Variants in WASF3 observed in about 807,000 individuals in gnomAD.
The protein encoded by WASF3 is WASP family member 3.
A neutral mutation model predicts 46.6 loss-of-function variants in WASF3; 11 were observed. The observed-to-expected ratio is 0.24, with a 90% CI of 0.15 to 0.39. The LOEUF (loss-of-function observed/expected upper bound fraction) is 0.39. WASF3 is among the 10% of genes least tolerant of loss of function. WASF3 has a pLI of 1.00. For missense variants in WASF3, 576 were observed against 669.8 expected (o/e 0.86, Z 1.55); for synonymous variants, 242 against 259.7 (o/e 0.93, Z 0.65).
At chr13:26,540,340 T>C in the WASF3 span, among the ~76,000 whole-genome samples, 3 of 152,178 alleles carry the variant, frequency 2.0e-5, no homozygotes, top group Admixed American at 6.5e-5. Context: ...GAACAGTCCT[T>C]GGTTTCTGGA....
At chr13:26,662,880 CAT>C (rs535332186) in intron 3 of WASF3, among the ~76,000 whole-genome samples, 3,021 of 152,000 alleles carry the variant, frequency 0.02, 68 homozygotes, top group South Asian at 0.096. Context: ...TACACATACA[CAT>C]ACACATACAC....
Position 26,671,786 on chromosome 13 carries a change from T to C in WASF3, c.423-86T>C, listed in dbSNP as rs1027513476. ...GCCCCATGTAGATGTTATAATTTCA[T>C]GAGTTCAAATCAAGTTAACATTAAC... On this transcript the variant is annotated intron_variant, in intron 5 of 9. Transcript: ENST00000335327. 3.6e-5 allele frequency: 31 copies of C among 861,362 alleles called. 2 individuals carry two copies. The highest frequency in any genetic ancestry group is 2.9e-4 in the South Asian group (16 of 55,378). The allele number at this position is 861,362 out of a possible 1,614,324, so 53.4% of individuals were successfully genotyped here. A position where few individuals can be genotyped will look rare whatever the true frequency, so the allele number is the denominator to read the frequency against.
Position 26,676,724 on chromosome 13 carries a change from G to C in WASF3, c.716G>C (p.Arg239Thr). The change falls in exon 7 of 10, where the codon AGG (arginine) becomes ACG (threonine). Residue 239 changes from arginine (R) to threonine (T), a missense_variant and splice_region_variant. Physicochemically the swap from Arg to Thr is moderately conservative, Grantham distance 71. Coordinates refer to ENST00000335327, the MANE Select transcript of WASF3 (RefSeq NM_006646.6). ...SSEGSLSPDT[R>T]SHASDVTDYS... ...GAGGGATCCCTGTCCCCAGATACTA[G>C]GTGTGTGTGTGTCACTGCTCCCTCA... is the stretch of plus-strand genomic sequence containing the variant. 1 of 1,612,042 alleles carries C rather than the reference G, an allele frequency of 6.2e-7. No individual in the cohort carries two copies. Among genetic ancestry groups the C allele is most frequent in the African/African-American group, 1.3e-5 (1 of 74,954 alleles).
In WASF3 at chr13:26,682,810, C is replaced by T. The variant is rs1460512751; in HGVS notation, c.1187C>T (p.Pro396Leu). The T allele has an allele frequency of 4.3e-6, 7 of 1,610,452 alleles. No individual in the cohort carries two copies. The highest frequency in any genetic ancestry group is 5.1e-6 in the Non-Finnish European group (6 of 1,179,730). Residue 396 changes from proline to leucine, a missense_variant, in exon 9 of 10, where the codon CCA becomes CTA. By Grantham distance (98) the Pro-to-Leu change is moderately conservative (BLOSUM62 -3). Around this residue, in one of 3 missense-constraint regions of WASF3, gnomAD observed 295 missense variants for 291.5 expected, o/e 1.01. Transcript: ENST00000335327. This position sits in a 1 kb window ranked among gnomAD's most constrained non-coding sequence, Gnocchi z 4.4. ...ACCGGGCTCCTGGTCACAGCCCCGC[C>T]ACCCCCGGGCCCACCACCTCCCCCG... is the stretch of plus-strand genomic sequence containing the variant. ...PSTGLLVTAP[P>L]PPGPPPPPPG...
the WASF3 span, among the ~76,000 whole-genome samples, chr13:26,549,923 A>G: frequency 6.6e-6 from 1 of 152,186 alleles, no homozygotes; most frequent in Non-Finnish European, 1.5e-5. Flanking sequence ...TGGCTTATAT[A>G]ACTCCACCTC....
At chr13:26,582,353 C>T (rs991418978) in intron 1 of WASF3, among the ~76,000 whole-genome samples, 1 of 151,916 alleles carries the variant, frequency 6.6e-6, no homozygotes, top group Non-Finnish European at 1.5e-5. Context: ...CATTTCTTAA[C>T]TTCTGTGATC....
intron 2 of WASF3, chr13:26,626,065 G>C (rs1881454761): frequency 5.3e-5 from 8 of 152,162 alleles, no homozygotes; most frequent in Admixed American, 5.2e-4. Context: ...GTTAAAGCAT[G>C]GTAAAGACTT....
At chr13:26,599,703 C>T (rs1880590190) in intron 1 of WASF3, among the ~76,000 whole-genome samples, 1 of 152,224 alleles carries the variant, frequency 6.6e-6, no homozygotes, top group African/African-American at 2.4e-5. Context: ...CACTTTGCCA[C>T]AGATGAAAAC....
At chr13:26,666,929 G>A (rs1270189285) in intron 4 of WASF3, among the ~76,000 whole-genome samples, 1 of 145,934 alleles carries the variant, frequency 6.9e-6, no homozygotes, top group Non-Finnish European at 1.5e-5. Flanking sequence ...TGCTGTACAA[G>A]CACAAGAAAG....
At chr13:26,622,737 T>C (rs1246286676) in intron 2 of WASF3, 3 of 151,852 alleles carry the variant, frequency 2.0e-5, no homozygotes, top group African/African-American at 7.3e-5. Flanking sequence ...ATCGCACCAG[T>C]GCACTGCAGC....
At chr13:26,662,392 G>A (rs1882655985) in intron 3 of WASF3, among the ~76,000 whole-genome samples, 1 of 152,184 alleles carries the variant, frequency 6.6e-6, no homozygotes, top group South Asian at 2.1e-4. Flanking sequence ...AGAAAGACAT[G>A]GAATCCACCT....
intron 4 of WASF3, among the ~76,000 whole-genome samples, chr13:26,666,658 G>C (rs563469289): frequency 1.3e-4 from 20 of 152,204 alleles, no homozygotes; most frequent in Non-Finnish European, 2.5e-4. Flanking sequence ...CCAGCACTTC[G>C]GGAGGCCGAG....
At chr13:26,671,799 A>G in intron 5 of WASF3, 73 bp from the exon 6 acceptor site, 1 of 1,010,788 alleles carries the variant, frequency 9.9e-7, no homozygotes, top group South Asian at 1.6e-5. Context: ...GTTCAAATCA[A>G]GTTAACATTA....
At chr13:26,680,964 A>G in intron 7 of WASF3, 90 bp from the exon 8 acceptor site, 11 of 1,467,664 alleles carry the variant, frequency 7.5e-6, no homozygotes, top group Non-Finnish European at 1.0e-5. Context: ...TGTATTAGCA[A>G]TGTTATTATT....
chr13:26,576,918 AG>A, intron 1 of WASF3: 1 of 777,154 alleles, frequency 1.3e-6, no homozygotes, highest in Non-Finnish European at 2.2e-6. Flanking sequence ...GCCTTACGAA[AG>A]GAGGCAAAAA....
chr13:26,657,765 A>T (rs886862311), intron 3 of WASF3, among the ~76,000 whole-genome samples: 1 of 152,232 alleles, frequency 6.6e-6, no homozygotes, highest in African/African-American at 2.4e-5. Context: ...AGTGAGTAGA[A>T]TTCAGCTTTT....
intron 1 of WASF3, among the ~76,000 whole-genome samples, chr13:26,568,779 A>G (rs1187476693): frequency 6.6e-6 from 1 of 152,202 alleles, no homozygotes; most frequent in Non-Finnish European, 1.5e-5. Context: ...TTGGTTTGGG[A>G]AAGTTAGTAC....
chr13:26,639,034 A>G (rs1019583453), intron 2 of WASF3, among the ~76,000 whole-genome samples: 1 of 152,214 alleles, frequency 6.6e-6, no homozygotes, highest in Non-Finnish European at 1.5e-5. Flanking sequence ...GGCCCTTACC[A>G]GGTGCAGGTG....
chr13:26,631,568 A>C (rs555338835), intron 2 of WASF3, among the ~76,000 whole-genome samples: 20 of 152,292 alleles, frequency 1.3e-4, no homozygotes, highest in South Asian at 2.1e-4. Context: ...TGTTTTGGTT[A>C]CTGTAGGCTT....
Sources: allele counts gnomAD v4.1 joint callset (sites outside exome capture counted in the v4.1 genomes callset), GRCh38; gene constraint gnomAD v4.1.1; regional missense constraint gnomAD v4.1.1; non-coding constraint Gnocchi (gnomAD v3.1); transcripts MANE v1.5; gene names NCBI Gene and HGNC (gene_info 2026-07-23, HGNC 2026-07-21).